Variants in GLI2 observed in about 807,000 individuals in gnomAD.
The protein encoded by GLI2 is transcription activator GLI2.
GLI2 carries 22 observed loss-of-function variants against 78.9 expected under a neutral mutation model. The observed-to-expected ratio is 0.28, with a 90% CI of 0.20 to 0.40. The LOEUF is 0.40. GLI2 is among the 10% of genes least tolerant of loss of function. The probability of loss-of-function intolerance (pLI) is 1.00; values close to 1 mark genes in which losing one functional copy is unlikely to be tolerated. For synonymous variants in GLI2, 974 were observed against 963.7 expected, an observed-to-expected ratio of 1.01 and a Z score of -0.20; for missense variants, 2,097 against 2,213.2, an observed-to-expected ratio of 0.95 and a Z score of 1.05.
At chr2:120,760,244 A>G (rs1008748634) in intron 1 of GLI2, among the ~76,000 whole-genome samples, 1 of 151,186 alleles carries the variant, frequency 6.6e-6, no homozygotes, top group Non-Finnish European at 1.5e-5. Flanking sequence ...CAACTGTACA[A>G]CTTCTCGGAG....
chr2:120,937,835 C>T (rs1484895880), intron 3 of GLI2, among the ~76,000 whole-genome samples: 1 of 152,210 alleles, frequency 6.6e-6, no homozygotes, highest in African/African-American at 2.4e-5. Flanking sequence ...ACCACTTTGG[C>T]AGGCTGGGCC....
intron 2 of GLI2, among the ~76,000 whole-genome samples, chr2:120,887,869 A>G (rs1430136832): frequency 1.3e-5 from 2 of 152,224 alleles, no homozygotes; most frequent in Non-Finnish European, 2.9e-5. Context: ...ACGCAGTGCT[A>G]GATCAATATG....
chr2:120,930,072 G>A (rs540949650), intron 3 of GLI2, among the ~76,000 whole-genome samples: 1 of 152,304 alleles, frequency 6.6e-6, no homozygotes, highest in South Asian at 2.1e-4. Flanking sequence ...CTCCCTGCAC[G>A]GGATGTTGGT....
intron 3 of GLI2, among the ~76,000 whole-genome samples, chr2:120,930,364 G>C (rs1679890754): frequency 6.6e-6 from 1 of 152,240 alleles, no homozygotes; most frequent in African/African-American, 2.4e-5. Context: ...TACAAATGAA[G>C]GAACTGAAGC....
chr2:120,881,386 G>A (rs1573529814), intron 2 of GLI2, among the ~76,000 whole-genome samples: 1 of 151,738 alleles, frequency 6.6e-6, no homozygotes, highest in Admixed American at 6.6e-5. Flanking sequence ...ACAGTGGGGA[G>A]AGGGCAGGTG....
intron 1 of GLI2, among the ~76,000 whole-genome samples, chr2:120,756,245 C>T: frequency 6.6e-6 from 1 of 152,122 alleles, no homozygotes; most frequent in East Asian, 1.9e-4. Context: ...TTCATATTCT[C>T]CTAGCAATGT....
In GLI2 at chr2:120,964,205, G is replaced by A. The variant is rs941373100; in HGVS notation, c.644-4509G>A. Among the ~76,000 whole-genome samples the A allele has an allele frequency of 7.9e-5, 12 of 152,334 alleles. No individual in the cohort carries two copies. In the East Asian group the frequency reaches 1.9e-3, roughly 25 times the overall value. On this transcript the variant is annotated intron_variant, in intron 5 of 13. Transcript: ENST00000361492. ...GGTCAGGGAAGGCATCCCAAGGGAG[G>A]TGATGACTCGGCTGAGGTCTGAGCA...
At position 120,798,480 on chromosome 2, in the gene GLI2, C is replaced by T. The variant is rs554470486; in HGVS notation, c.148+1012C>T. 4.6e-5 allele frequency among the ~76,000 whole-genome samples: 7 copies of T among 152,300 alleles called. No individual in the cohort carries two copies. The South Asian group carries it at 1.2e-3, about 27-fold the overall frequency. The stretch of plus-strand genomic sequence containing the variant: ...AGGGGCTTAGGAGTTGGTGCTTCTA[C>T]GAGTGGACCTGAGGGCCTGCGGGGG... On this transcript the variant is annotated intron_variant, in intron 2 of 13. Coordinates refer to ENST00000361492, the MANE Select transcript of GLI2 (RefSeq NM_001374353.1).
chr2:120,843,996 G>A (rs1393274364), intron 2 of GLI2, among the ~76,000 whole-genome samples: 1 of 152,146 alleles, frequency 6.6e-6, no homozygotes, highest in Non-Finnish European at 1.5e-5. Flanking sequence ...AGCCTGCAGT[G>A]TGGTCCCCGG....
chr2:120,889,876 G>A (rs961614580), intron 2 of GLI2, among the ~76,000 whole-genome samples: 12 of 152,246 alleles, frequency 7.9e-5, no homozygotes, highest in South Asian at 2.1e-4. Context: ...AATGTAAGAC[G>A]GTACAGCCTC....
At chr2:120,903,143 G>A (rs1678348655) in intron 2 of GLI2, among the ~76,000 whole-genome samples, 1 of 152,044 alleles carries the variant, frequency 6.6e-6, no homozygotes, top group Non-Finnish European at 1.5e-5. Flanking sequence ...CCAACACTTT[G>A]GGAGGCTGAG....
chr2:120,925,657 G>A (rs1679625420), intron 2 of GLI2, among the ~76,000 whole-genome samples: 1 of 152,180 alleles, frequency 6.6e-6, no homozygotes, highest in Non-Finnish European at 1.5e-5. Context: ...GCAGGGGCTG[G>A]GGGAGAGTAA....
In GLI2 at chr2:120,974,955, G is replaced by A. The variant is rs1447300845; in HGVS notation, c.1183-20G>A. 1.2e-6 allele frequency: 2 copies of A among 1,614,234 alleles called. No individual in the cohort carries two copies. The highest frequency in any genetic ancestry group is 2.2e-5 in the South Asian group (2 of 91,090). On this transcript the variant is annotated intron_variant, in intron 8 of 13. Transcript: ENST00000361492. The stretch of plus-strand genomic sequence containing the variant: ...GTGTCTGGACACGGCTCATGTGGGT[G>A]TGCCCTTCCCCTCTCCCAGGAGCAG...
rs377404002 is a variant in GLI2 at position 120,992,191 on chromosome 2, G to C, written c.*1516G>C. The stretch of plus-strand genomic sequence containing the variant: ...AAGGCCAACATCGTCATCTGGGCTC[G>C]CTGCGTCCCAGCACATCAAACTCTG... On this transcript the variant is annotated 3_prime_UTR_variant, in exon 14 of 14. Transcript: ENST00000361492. 1 of 152,540 alleles carries C rather than the reference G, an allele frequency of 6.6e-6. No homozygotes were observed. The highest frequency in any genetic ancestry group is 2.4e-5 in the African/African-American group (1 of 41,406). The allele number at this position is 152,540 out of a possible 1,614,324, so 9.4% of individuals were successfully genotyped here.
chr2:120,762,178 G>A (rs973839751), intron 1 of GLI2, among the ~76,000 whole-genome samples: 17 of 152,104 alleles, frequency 1.1e-4, no homozygotes, highest in South Asian at 4.1e-4. Context: ...ATGGGTCTCC[G>A]GCTTAGGGGT....
chr2:120,914,154 A>C (rs556415623), intron 2 of GLI2, among the ~76,000 whole-genome samples: 3 of 152,376 alleles, frequency 2.0e-5, no homozygotes, highest in African/African-American at 7.2e-5. Context: ...GCCGGGGACC[A>C]GTCAGCATTG....
chr2:120,754,735 A>G (rs1317177054), intron 1 of GLI2, among the ~76,000 whole-genome samples: 2 of 152,170 alleles, frequency 1.3e-5, no homozygotes, highest in African/African-American at 2.4e-5. Flanking sequence ...ACATTTCTGT[A>G]TAAGTCATTG....
At chr2:120,903,982 G>A (rs1284900253) in intron 2 of GLI2, among the ~76,000 whole-genome samples, 1 of 152,138 alleles carries the variant, frequency 6.6e-6, no homozygotes, top group South Asian at 2.1e-4. Context: ...AGGGGCAGGT[G>A]GGCAGTGCAG....
chr2:120,920,715 A>T (rs1284183412), intron 2 of GLI2, among the ~76,000 whole-genome samples: 32 of 150,384 alleles, frequency 2.1e-4, no homozygotes, highest in Admixed American at 7.3e-4. Flanking sequence ...ACAAATGTGC[A>T]TTTTTTTTTC....
Sources: gnomAD v4.1 joint callset for allele counts (sites outside exome capture counted in the v4.1 genomes callset) on GRCh38, gnomAD v4.1.1 for gene constraint, MANE v1.5 for transcripts, NCBI Gene and HGNC (gene_info 2026-07-23, HGNC 2026-07-21) for gene names.